The following DISP1 variants were observed in gnomAD, a reference collection of about 807,000 sequenced individuals.
DISP1 encodes the protein dispatched RND transporter family member 1, also known as protein dispatched homolog 1.
In DISP1, 30 loss-of-function variants were observed where a neutral mutation model predicts 37.3. The observed-to-expected ratio is 0.80, with a 90% CI of 0.60 to 1.09. The LOEUF is 1.09. DISP1 is among the 50% of genes least tolerant of loss of function. The pLI is 0.00. For synonymous variants in DISP1, 634 were observed against 690.2 expected (o/e 0.92, Z 1.28); for missense variants, 1,598 against 1,879.5 (o/e 0.85, Z 2.77).
At chr1:222,824,231 GT>G (rs1283383704) in intron 1 of DISP1, among the ~76,000 whole-genome samples, 3 of 152,026 alleles carry the variant, frequency 2.0e-5, no homozygotes, top group Non-Finnish European at 4.4e-5. Flanking sequence ...TGTCCTACTT[GT>G]TGAAAATGCC....
chr1:222,825,023 A>T (rs537777083), intron 1 of DISP1, among the ~76,000 whole-genome samples: 98 of 152,258 alleles, frequency 6.4e-4, no homozygotes, highest in African/African-American at 2.3e-3. Flanking sequence ...AATGAAGAGT[A>T]AATTAGTGGC....
chr1:222,919,995 A>G (rs1484182899), intron 1 of DISP1, among the ~76,000 whole-genome samples: 1 of 152,204 alleles, frequency 6.6e-6, no homozygotes, highest in Non-Finnish European at 1.5e-5. Flanking sequence ...AGCAATGATG[A>G]CAGGTGTTTG....
At position 222,907,964 on chromosome 1, in the gene DISP1, A is replaced by G. The variant is rs144394521; in HGVS notation, c.-158-20466A>G. ...ACTCCATCTCAAAATAAATAAATAAAATAAAATAAAGATTTGATTATTTAG... is the reference window on the plus strand; with the variant it reads ...ACTCCATCTCAAAATAAATAAATAAGATAAAATAAAGATTTGATTATTTAG... On this transcript the variant is annotated intron_variant, in intron 1 of 8. Coordinates refer to ENST00000675850, the MANE Select transcript of DISP1 (RefSeq NM_001377229.1). 4.1e-3 allele frequency among the ~76,000 whole-genome samples: 618 copies of G among 152,260 alleles called. 6 individuals are homozygous for G. The highest frequency in any genetic ancestry group is 0.01 in the Middle Eastern group (3 of 294).
intron 3 of DISP1, among the ~76,000 whole-genome samples, chr1:222,973,195 A>G (rs891914990): frequency 1.3e-5 from 2 of 152,238 alleles, no homozygotes; most frequent in Non-Finnish European, 2.9e-5. Context: ...ATGAATACAT[A>G]TGCAATTACC....
At chr1:222,903,376 C>T (rs941688998) in intron 1 of DISP1, among the ~76,000 whole-genome samples, 1 of 150,302 alleles carries the variant, frequency 6.7e-6, no homozygotes, top group Non-Finnish European at 1.5e-5. Context: ...TGCAGTACAC[C>T]AACGTGGCAT....
At chr1:222,865,223 TA>T (rs1488978963) in intron 1 of DISP1, among the ~76,000 whole-genome samples, 1 of 152,120 alleles carries the variant, frequency 6.6e-6, no homozygotes, top group Non-Finnish European at 1.5e-5. Context: ...TCATATGCAT[TA>T]TAACTTATGG....
intron 2 of DISP1, among the ~76,000 whole-genome samples, chr1:222,936,829 T>TG: frequency 2.0e-5 from 1 of 50,870 alleles, no homozygotes; most frequent in African/African-American, 7.8e-5. Context: ...ATAATATATA[T>TG]AAATTATATA....
chr1:222,831,340 T>TC (rs1558281781), intron 1 of DISP1, among the ~76,000 whole-genome samples: 1 of 152,324 alleles, frequency 6.6e-6, no homozygotes, highest in East Asian at 1.9e-4. Context: ...GGAGATTATT[T>TC]CAGAGGTAGT....
At chr1:222,990,333 G>C (rs1678606829) in intron 4 of DISP1, among the ~76,000 whole-genome samples, 7 of 152,198 alleles carry the variant, frequency 4.6e-5, no homozygotes, top group Admixed American at 4.6e-4. Flanking sequence ...AATGTTACTT[G>C]TCATATATGA....
At chr1:222,995,942 C>T (rs1572726942) in intron 8 of DISP1, among the ~76,000 whole-genome samples, 1 of 152,186 alleles carries the variant, frequency 6.6e-6, no homozygotes, top group Non-Finnish European at 1.5e-5. Context: ...TCTCATTGTA[C>T]TAACATGAGT....
intron 1 of DISP1, among the ~76,000 whole-genome samples, chr1:222,860,505 C>T (rs966068937): frequency 3.9e-5 from 6 of 152,150 alleles, no homozygotes; most frequent in African/African-American, 1.4e-4. Context: ...ACCACATCAT[C>T]TATAGTAGAA....
chr1:222,829,761 T>C (rs1665292118), intron 1 of DISP1, among the ~76,000 whole-genome samples: 1 of 152,182 alleles, frequency 6.6e-6, no homozygotes, highest in South Asian at 2.1e-4. Context: ...AAAATAACTT[T>C]AGAGCAGTAT....
chr1:222,846,551 G>C (rs960230247), intron 1 of DISP1, among the ~76,000 whole-genome samples: 1 of 152,164 alleles, frequency 6.6e-6, no homozygotes, highest in African/African-American at 2.4e-5. Flanking sequence ...AACTAGGATA[G>C]CAGTTCTGCA....
intron 1 of DISP1, among the ~76,000 whole-genome samples, chr1:222,924,008 C>T (rs1402393643): frequency 1.3e-5 from 2 of 152,022 alleles, no homozygotes; most frequent in Non-Finnish European, 1.5e-5. Flanking sequence ...CTATGGAAGA[C>T]CGGCAAGGCC....
At chr1:222,978,404 G>A (rs1405559304) in intron 3 of DISP1, among the ~76,000 whole-genome samples, 6 of 152,150 alleles carry the variant, frequency 3.9e-5, no homozygotes, top group Admixed American at 3.9e-4. Context: ...TGAGTTCATT[G>A]TAGATTCTGG....
chr1:222,870,641 G>GT (rs1669499251), intron 1 of DISP1, among the ~76,000 whole-genome samples: 1 of 151,890 alleles, frequency 6.6e-6, no homozygotes, highest in African/African-American at 2.4e-5. Context: ...GGGGTTGTTT[G>GT]TTTTTTTCTT....
chr1:222,962,838 C>A (rs907746105), intron 3 of DISP1, among the ~76,000 whole-genome samples: 5 of 152,102 alleles, frequency 3.3e-5, no homozygotes, highest in African/African-American at 4.8e-5. Context: ...AGAAGGAAAC[C>A]TAGGCAGTAC....
At chr1:222,879,617 TAAA>T (rs1670163336) in intron 1 of DISP1, among the ~76,000 whole-genome samples, 1 of 151,976 alleles carries the variant, frequency 6.6e-6, no homozygotes, top group South Asian at 2.1e-4. Context: ...AAAACATAAA[TAAA>T]AAAGATGTAA....
chr1:222,853,997 G>C (rs549827928), intron 1 of DISP1, among the ~76,000 whole-genome samples: 1 of 152,256 alleles, frequency 6.6e-6, no homozygotes. Context: ...TGTACCCCAT[G>C]AATATCTACA....
Sources: allele counts gnomAD v4.1 joint callset (sites outside exome capture counted in the v4.1 genomes callset), GRCh38; gene constraint gnomAD v4.1.1; transcripts MANE v1.5; gene names NCBI Gene and HGNC (gene_info 2026-07-23, HGNC 2026-07-21).